MS4A8: variants seen among roughly 807,000 people sequenced by gnomAD.
MS4A8 encodes membrane-spanning 4-domains subfamily A member 8.
Under a neutral mutation model 23.7 loss-of-function variants are expected in MS4A8, and 27 were observed. That is an observed-to-expected ratio of 1.14 (90% CI 0.84 to 1.57). MS4A8 has a LOEUF of 1.57. MS4A8 is among the 40% of genes most tolerant of loss of function. MS4A8 has a pLI of 0.00. For synonymous variants in MS4A8, 138 were observed against 126.3 expected, an observed-to-expected ratio of 1.09 and a Z score of -0.62; for missense variants, 301 against 311.4, an observed-to-expected ratio of 0.97 and a Z score of 0.25.
At chr11:60,700,367 G>A (rs1018224210) in intron 1 of MS4A8, among the ~76,000 whole-genome samples, 1 of 152,176 alleles carries the variant, frequency 6.6e-6, no homozygotes, top group Non-Finnish European at 1.5e-5. Flanking sequence ...CCAACAGGGG[G>A]AAACCCCATC....
intron 4 of MS4A8, among the ~76,000 whole-genome samples, chr11:60,707,834 T>TTTTTC (rs2088269875): frequency 9.8e-6 from 1 of 101,906 alleles, no homozygotes; most frequent in Non-Finnish European, 2.0e-5. Flanking sequence ...TTTTTTTTTT[T>TTTTTC]TGTGTGTGTG....
rs1219889349 is a variant in MS4A8 at position 60,699,731 on chromosome 11, G to T, written c.-46G>T. 1 of 152,358 alleles carries T rather than the reference G, an allele frequency of 6.6e-6. No homozygotes were observed. The highest frequency in any genetic ancestry group is 1.5e-5 in the Non-Finnish European group (1 of 68,116). 9.4% of individuals were successfully genotyped at this position (152,358 alleles called of 1,614,324 possible). A position where few individuals can be genotyped will look rare whatever the true frequency, so the allele number is the denominator to read the frequency against. ...AAAAAAACAAGGTCCCCACAGCAAA[G>T]AAAAGGAATAGGATCAAGAGATACG... On this transcript the variant is annotated 5_prime_UTR_variant, in exon 1 of 7. Coordinates refer to ENST00000300226, the MANE Select transcript of MS4A8 (RefSeq NM_031457.2).
intron 5 of MS4A8, chr11:60,712,168 C>T (rs1053654983): frequency 2.1e-5 from 6 of 282,452 alleles, no homozygotes; most frequent in Non-Finnish European, 2.4e-5. Flanking sequence ...CCTGCACTCC[C>T]CTTTTCCTGG....
intron 5 of MS4A8, among the ~76,000 whole-genome samples, chr11:60,712,968 C>A (rs2088312394): frequency 6.6e-6 from 1 of 152,134 alleles, no homozygotes; most frequent in South Asian, 2.1e-4. Flanking sequence ...CACTGGAAGA[C>A]TCCATACTCC....
chr11:60,708,342 A>C (rs1361574037), intron 4 of MS4A8, among the ~76,000 whole-genome samples: 3 of 152,098 alleles, frequency 2.0e-5, no homozygotes, highest in Non-Finnish European at 4.4e-5. Flanking sequence ...CTTACCCCAA[A>C]ACCTTTCTTG....
intron 2 of MS4A8, chr11:60,701,491 A>G (rs2088204372): frequency 2.8e-6 from 1 of 362,494 alleles, no homozygotes; most frequent in African/African-American, 2.1e-5. Context: ...AACCAACAAC[A>G]TAAATGGTCA....
At chr11:60,714,993 C>A (rs2088330551) in intron 5 of MS4A8, 28 bp from the exon 6 acceptor site, 3 of 1,541,248 alleles carry the variant, frequency 1.9e-6, no homozygotes, top group African/African-American at 2.7e-5. Flanking sequence ...TCCCGTGCTC[C>A]TGTCCTCCCC....
intron 2 of MS4A8, among the ~76,000 whole-genome samples, chr11:60,702,425 CAG>C (rs1375794189): frequency 6.6e-6 from 1 of 151,592 alleles, no homozygotes; most frequent in African/African-American, 2.4e-5. Context: ...TTTTTTGAGA[CAG>C]AGTCTCACTC....
At position 60,713,985 on chromosome 11, in the gene MS4A8, C is replaced by T. The variant is rs534841960; in HGVS notation, c.535-1036C>T. ...CAGGCCGGACTGCGGACTGCAGTGGCGCAATCTCGGCTCACTGCAAGCTCC... is the reference window on the plus strand; with the variant it reads ...CAGGCCGGACTGCGGACTGCAGTGGTGCAATCTCGGCTCACTGCAAGCTCC... On this transcript the variant is annotated intron_variant, in intron 5 of 6. Transcript: ENST00000300226. Among the ~76,000 whole-genome samples, 174 of 135,714 alleles carry T rather than the reference C, an allele frequency of 1.3e-3. 3 individuals are homozygous for T. The highest frequency in any genetic ancestry group is 2.1e-3 in the Non-Finnish European group (139 of 66,770). The allele number at this position is 135,714 out of a possible 152,430, so 89.0% of individuals were successfully genotyped here.
chr11:60,705,388 C>A (rs567095009), intron 3 of MS4A8, among the ~76,000 whole-genome samples: 1 of 152,350 alleles, frequency 6.6e-6, no homozygotes, highest in Admixed American at 6.5e-5. Context: ...ACTGACCACG[C>A]CTCCTCCCAC....
chr11:60,713,161 G>C (rs2088313621), intron 5 of MS4A8, among the ~76,000 whole-genome samples: 1 of 152,072 alleles, frequency 6.6e-6, no homozygotes, highest in African/African-American at 2.4e-5. Flanking sequence ...CTTTTCAGAG[G>C]CTGACATTTT....
intron 2 of MS4A8, among the ~76,000 whole-genome samples, chr11:60,702,645 C>T (rs112355123): frequency 0.045 from 6,878 of 152,242 alleles, 492 homozygotes; most frequent in African/African-American, 0.16. Flanking sequence ...GTGATCCGCC[C>T]GTCTCAGCTT....
At chr11:60,708,885 AGGAAAAGGAG>A (rs2088279675) in intron 5 of MS4A8, 104 bp downstream of exon 5, 1 of 1,387,718 alleles carries the variant, frequency 7.2e-7, no homozygotes, top group African/African-American at 1.4e-5. Context: ...TGAACATGGT[AGGAAAAGGAG>A]GTGCTTTCAG....
At chr11:60,707,215 G>A (rs1319247033) in intron 4 of MS4A8, among the ~76,000 whole-genome samples, 168 bp downstream of exon 4, 1 of 152,170 alleles carries the variant, frequency 6.6e-6, no homozygotes, top group Non-Finnish European at 1.5e-5. Flanking sequence ...ACAGGAGCCT[G>A]GCCCTGGAGT....
At chr11:60,714,951 G>A (rs1236888733) in intron 5 of MS4A8, 70 bp from the exon 6 acceptor site, 22 of 1,061,500 alleles carry the variant, frequency 2.1e-5, no homozygotes, top group Non-Finnish European at 2.1e-5. Context: ...TCCATGGCAG[G>A]GCCCCAGTGA....
chr11:60,708,905 G>A, intron 5 of MS4A8, 124 bp downstream of exon 5: 1 of 1,209,186 alleles, frequency 8.3e-7, no homozygotes, highest in Non-Finnish European at 1.2e-6. Flanking sequence ...GGTGCTTTCA[G>A]CATAGGAACA....
intron 4 of MS4A8, among the ~76,000 whole-genome samples, chr11:60,708,225 T>C (rs2088273652): frequency 6.6e-6 from 1 of 152,188 alleles, no homozygotes; most frequent in African/African-American, 2.4e-5. Flanking sequence ...AAAATCTCTA[T>C]GTATTGTTTC....
rs112438729 is a variant in MS4A8 at position 60,709,195 on chromosome 11, C to T, written c.534+414C>T. On this transcript the variant is annotated intron_variant, in intron 5 of 6. Transcript: ENST00000300226. ...AGTCTCTGTCATGTAGCTATAGCTG[C>T]CTTACAGCAGCCACAGAAAGCACTA... The T allele has an allele frequency of 4.1e-3, 920 of 223,264 alleles. 4 individuals are homozygous for T. The highest frequency in any genetic ancestry group is 0.02 in the African/African-American group (860 of 42,530). The allele number at this position is 223,264 out of a possible 1,614,324, so 13.8% of individuals were successfully genotyped here.
chr11:60,708,958 TC>T, intron 5 of MS4A8, 177 bp downstream of exon 5: 1 of 651,410 alleles, frequency 1.5e-6, no homozygotes, highest in Non-Finnish European at 2.6e-6. Flanking sequence ...ACATGACCTT[TC>T]CCAGTTTGGG....
Sources: gnomAD v4.1 joint callset for allele counts (sites outside exome capture counted in the v4.1 genomes callset) on GRCh38, gnomAD v4.1.1 for gene constraint, MANE v1.5 for transcripts, NCBI Gene and HGNC (gene_info 2026-07-23, HGNC 2026-07-21) for gene names.